KCTD8: variants seen among roughly 807,000 people sequenced by gnomAD.
The protein encoded by KCTD8 is potassium channel tetramerization domain containing 8, also known as BTB/POZ domain-containing protein KCTD8.
KCTD8 carries 27 observed loss-of-function variants against 31.5 expected under a neutral mutation model. That is an observed-to-expected ratio of 0.86 (90% confidence interval 0.63 to 1.18). The LOEUF is 1.18. Among genes scored for constraint, KCTD8 ranks in the 50% most tolerant of loss-of-function variants. KCTD8 has a pLI of 0.00. For missense variants in KCTD8, 658 were observed against 647.7 expected, an observed-to-expected ratio of 1.02 and a Z score of -0.17; for synonymous variants, 290 against 280.0, an observed-to-expected ratio of 1.04 and a Z score of -0.36.
intron 1 of KCTD8, among the ~76,000 whole-genome samples, chr4:44,272,519 C>G (rs941864510): frequency 1.3e-5 from 2 of 151,892 alleles, no homozygotes; most frequent in African/African-American, 2.4e-5. Context: ...TTCTCTTGTA[C>G]TTAAGTTTTT....
chr4:44,350,611 G>C (rs1284189335), intron 1 of KCTD8, among the ~76,000 whole-genome samples: 1 of 152,066 alleles, frequency 6.6e-6, no homozygotes, highest in Non-Finnish European at 1.5e-5. Context: ...ATTTTTTAGT[G>C]ATGTTCTAAG....
intron 1 of KCTD8, among the ~76,000 whole-genome samples, chr4:44,292,508 A>G (rs1195398775): frequency 6.6e-6 from 1 of 152,106 alleles, no homozygotes; most frequent in Non-Finnish European, 1.5e-5. Flanking sequence ...CTGAAAAATT[A>G]CCTATAGGGT....
At chr4:44,293,509 T>C (rs1280972717) in intron 1 of KCTD8, 3 of 451,608 alleles carry the variant, frequency 6.6e-6, no homozygotes, top group South Asian at 3.2e-5. Context: ...AAAGGTGTAA[T>C]TGGTAGAAGC....
chr4:44,196,653 G>A (rs1391121271), intron 1 of KCTD8, among the ~76,000 whole-genome samples: 1 of 152,152 alleles, frequency 6.6e-6, no homozygotes, highest in Non-Finnish European at 1.5e-5. Context: ...CACCCACCTG[G>A]GACCAGTGCA....
intron 1 of KCTD8, among the ~76,000 whole-genome samples, chr4:44,335,305 T>C (rs781382090): frequency 1.1e-4 from 17 of 152,136 alleles, no homozygotes; most frequent in Non-Finnish European, 4.4e-5. Flanking sequence ...TTGTTATTAA[T>C]ATTTTAATCT....
chr4:44,406,150 T>G (rs925533368), intron 1 of KCTD8, among the ~76,000 whole-genome samples: 1 of 152,164 alleles, frequency 6.6e-6, no homozygotes, highest in African/African-American at 2.4e-5. Context: ...GAATATATGG[T>G]GAATATCAAT....
At chr4:44,298,446 C>G (rs544152817) in intron 1 of KCTD8, among the ~76,000 whole-genome samples, 1 of 149,632 alleles carries the variant, frequency 6.7e-6, no homozygotes, top group South Asian at 2.2e-4. Flanking sequence ...ATAAAATTAA[C>G]TAAGATGAAC....
chr4:44,203,711 T>G (rs1044255390), intron 1 of KCTD8, among the ~76,000 whole-genome samples: 15 of 151,726 alleles, frequency 9.9e-5, no homozygotes, highest in Non-Finnish European at 2.1e-4. Flanking sequence ...TTTTGTGGTA[T>G]GTCTGATAAA....
chr4:44,312,918 G>T (rs1717997435), intron 1 of KCTD8, among the ~76,000 whole-genome samples: 1 of 152,090 alleles, frequency 6.6e-6, no homozygotes, highest in Non-Finnish European at 1.5e-5. Flanking sequence ...AATGTGTCCA[G>T]TTGGGAGGAG....
intron 1 of KCTD8, among the ~76,000 whole-genome samples, chr4:44,430,951 G>A (rs1248540177): frequency 6.6e-6 from 1 of 150,446 alleles, no homozygotes; most frequent in Non-Finnish European, 1.5e-5. Context: ...CAGACTCTAC[G>A]ATTAATTACA....
At chr4:44,420,321 G>A (rs1721180484) in intron 1 of KCTD8, among the ~76,000 whole-genome samples, 1 of 152,146 alleles carries the variant, frequency 6.6e-6, no homozygotes, top group South Asian at 2.1e-4. Flanking sequence ...AAAATCTCTG[G>A]TGTCAGGTGT....
chr4:44,217,531 G>A (rs1714682535), intron 1 of KCTD8, among the ~76,000 whole-genome samples: 1 of 152,160 alleles, frequency 6.6e-6, no homozygotes, highest in Admixed American at 6.5e-5. Context: ...GATAGCTGGT[G>A]AAGTATTGTT....
intron 1 of KCTD8, among the ~76,000 whole-genome samples, chr4:44,197,580 G>A (rs1208237020): frequency 1.3e-5 from 2 of 152,150 alleles, no homozygotes; most frequent in Admixed American, 6.6e-5. Context: ...TACAGCACCT[G>A]TGAAACATAA....
chr4:44,242,653 C>T (rs1333498965), intron 1 of KCTD8, among the ~76,000 whole-genome samples: 4 of 152,012 alleles, frequency 2.6e-5, no homozygotes, highest in Non-Finnish European at 5.9e-5. Context: ...GTCCTCTCCC[C>T]CATAGTGAAA....
chr4:44,302,543 G>A (rs1717659983), intron 1 of KCTD8, among the ~76,000 whole-genome samples: 1 of 151,982 alleles, frequency 6.6e-6, no homozygotes, highest in Non-Finnish European at 1.5e-5. Context: ...GTATAAGAAT[G>A]CTTGTGATTT....
At chr4:44,193,133 C>A (rs1004270548) in intron 1 of KCTD8, among the ~76,000 whole-genome samples, 3 of 151,956 alleles carry the variant, frequency 2.0e-5, no homozygotes, top group African/African-American at 7.3e-5. Context: ...ATAAACAAAC[C>A]TAGTAATAAA....
chr4:44,442,983 C>A (rs995039400), intron 1 of KCTD8, among the ~76,000 whole-genome samples: 3 of 152,258 alleles, frequency 2.0e-5, no homozygotes, highest in Admixed American at 2.0e-4. Flanking sequence ...CAGAATTATG[C>A]CAGATATAAA....
intron 1 of KCTD8, among the ~76,000 whole-genome samples, chr4:44,404,902 G>C (rs942499636): frequency 3.6e-4 from 55 of 152,136 alleles, no homozygotes; most frequent in Admixed American, 2.2e-3. Flanking sequence ...TGCCTCTCTT[G>C]TTTCATATAA....
intron 1 of KCTD8, among the ~76,000 whole-genome samples, chr4:44,197,390 AG>A (rs1381379271): frequency 1.3e-5 from 2 of 152,130 alleles, no homozygotes; most frequent in Non-Finnish European, 2.9e-5. Context: ...AGTAATCAAA[AG>A]GGGTTCCTCC....
Sources: gnomAD v4.1 joint callset for allele counts (sites outside exome capture counted in the v4.1 genomes callset) on GRCh38, gnomAD v4.1.1 for gene constraint, MANE v1.5 for transcripts, NCBI Gene and HGNC (gene_info 2026-07-23, HGNC 2026-07-21) for gene names.